SEZ6L2: variants seen among roughly 807,000 people sequenced by gnomAD.
SEZ6L2 encodes the protein seizure related 6 homolog like 2, also known as seizure 6-like protein 2.
SEZ6L2 carries 44 observed loss-of-function variants against 97.0 expected under a neutral mutation model. The observed-to-expected ratio is 0.45, with a 90% confidence interval of 0.36 to 0.58. The LOEUF (loss-of-function observed/expected upper bound fraction) is 0.58. Among genes scored for constraint, SEZ6L2 ranks in the 20% least tolerant of loss-of-function variants. The probability of loss-of-function intolerance (pLI) is 0.00; values close to 1 mark genes in which losing one functional copy is unlikely to be tolerated. For synonymous variants in SEZ6L2, 543 were observed against 546.1 expected (o/e 0.99, Z 0.08); for missense variants, 1,086 against 1,233.3 (o/e 0.88, Z 1.79).
intron 8 of SEZ6L2, among the ~76,000 whole-genome samples, chr16:29,882,525 C>T (rs150335393): frequency 1.4e-3 from 205 of 150,238 alleles, no homozygotes; most frequent in African/African-American, 4.2e-3. Flanking sequence ...TGCAGTGAGC[C>T]GAGATTGCGC....
At chr16:29,885,868 C>T (rs959686539) in intron 7 of SEZ6L2, 119 bp from the exon 8 acceptor site, 38 of 961,450 alleles carry the variant, frequency 4.0e-5, no homozygotes, top group Non-Finnish European at 5.6e-5. Context: ...ATATGCCACG[C>T]ACTCTTCTAA....
chr16:29,878,456 C>G, intron 9 of SEZ6L2, 31 bp from the exon 10 acceptor site: 1 of 1,562,782 alleles, frequency 6.4e-7, no homozygotes, highest in South Asian at 1.2e-5. Context: ...GGTTCAGGAC[C>G]CAGGTGGGCA....
Position 29,897,039 on chromosome 16 carries a change from C to T in SEZ6L2, c.294G>A (p.Pro98=), listed in dbSNP as rs111761573. The change falls in exon 3 of 18, where the codon CCG becomes CCA. Residue 98 remains proline, a synonymous_variant. Transcript: ENST00000617533. ...CGGCTGTTGTCAGAGGCCCTGTCCC[C>T]GGCTCAGTGGCCCGTGGCAGGGAGG... is the stretch of plus-strand genomic sequence containing the variant. ...AVPSLPRATE[P]GTGPLTTAVT... 102 of 1,580,470 alleles carry T rather than the reference C, an allele frequency of 6.5e-5. No individual in the cohort carries two copies. Among genetic ancestry groups the T allele is most frequent in the African/African-American group, 5.6e-4 (42 of 74,746 alleles).
Position 29,876,656 on chromosome 16 carries a change from G to A in SEZ6L2, c.2104+100C>T. On this transcript the variant is annotated intron_variant, in intron 12 of 17. Coordinates refer to ENST00000617533, the MANE Select transcript of SEZ6L2 (RefSeq NM_001243332.2). The surrounding 1 kb of genome is among the most constrained non-coding windows in gnomAD (Gnocchi z 6.5). ...ATCCAGGAAGGACCCCGAGCGAAGG[G>A]ATGGAACCCAGAAAGCACGGGGGTC... is the stretch of plus-strand genomic sequence containing the variant. 8.9e-7 allele frequency: 1 copy of A among 1,124,908 alleles called. No homozygotes were observed. Among genetic ancestry groups the A allele is most frequent in the Non-Finnish European group, 1.2e-6 (1 of 810,818 alleles). The allele number at this position is 1,124,908 out of a possible 1,614,324, so 69.7% of individuals were successfully genotyped here.
intron 8 of SEZ6L2, among the ~76,000 whole-genome samples, chr16:29,884,929 C>T (rs2068102634): frequency 6.6e-6 from 1 of 151,804 alleles, no homozygotes; most frequent in South Asian, 2.1e-4. Flanking sequence ...AAATAAAGGC[C>T]GGGCGCGGTG....
intron 8 of SEZ6L2, among the ~76,000 whole-genome samples, chr16:29,884,495 G>A (rs561662494): frequency 6.6e-6 from 1 of 152,058 alleles, no homozygotes; most frequent in South Asian, 2.1e-4. Context: ...GGGAGGCTAA[G>A]GAATGAGAAT....
chr16:29,886,347 T>A (rs1221492061), intron 7 of SEZ6L2, among the ~76,000 whole-genome samples: 1 of 146,650 alleles, frequency 6.8e-6, no homozygotes, highest in African/African-American at 2.5e-5. Flanking sequence ...CCAGCCTGGG[T>A]GACAGAGCGA....
At chr16:29,898,319 C>G (rs74017649) in intron 1 of SEZ6L2, among the ~76,000 whole-genome samples, 3 of 152,186 alleles carry the variant, frequency 2.0e-5, no homozygotes, top group East Asian at 3.8e-4. Flanking sequence ...TGATCTCCCC[C>G]CAACCCTGGG....
chr16:29,873,240 C>T lies in SEZ6L2; in HGVS notation c.2488G>A (p.Val830Ile). Reference protein sequence around the residue: ...QWTSQPPLCKVAYEELLDNRK... With the variant: ...QWTSQPPLCKIAYEELLDNRK... ...CCTCCTGCCCTGTCTGGCCAGGCACCTTTGCAGAGTGGGGGCTGGCTGGTC... is the reference window on the plus strand; with the variant it reads ...CCTCCTGCCCTGTCTGGCCAGGCACTTTTGCAGAGTGGGGGCTGGCTGGTC... Residue 830 changes from valine to isoleucine, a missense_variant and splice_region_variant, in exon 14 of 18, where the codon GTT becomes ATT. By Grantham distance (29) the Val-to-Ile change is conservative. This residue lies in a region of SEZ6L2 where 310 missense variants were observed against 438.6 expected (regional missense o/e 0.71). Transcript: ENST00000617533. This position sits in a 1 kb window ranked among gnomAD's most constrained non-coding sequence, Gnocchi z 4.3. 1 of 1,613,854 alleles carries T rather than the reference C, an allele frequency of 6.2e-7. No individual in the cohort carries two copies. The highest frequency in any genetic ancestry group is 8.5e-7 in the Non-Finnish European group (1 of 1,179,944).
chr16:29,877,448 C>T lies in SEZ6L2; in HGVS notation c.1732G>A (p.Asp578Asn). 6.2e-7 allele frequency: 1 copy of T among 1,600,210 alleles called. No individual in the cohort carries two copies. The highest frequency in any genetic ancestry group is 1.1e-5 in the South Asian group (1 of 89,230). Residue 578 changes from aspartate (D) to asparagine (N), a missense_variant, in exon 11 of 18, where the codon GAC (aspartate) becomes AAC (asparagine). By Grantham distance (23) the Asp-to-Asn change is conservative. This residue lies in a region of SEZ6L2 where 776 missense variants were observed against 794.7 expected (regional missense o/e 0.98). Transcript: ENST00000617533. ...TCCCCGTCGAACAGCGTCAGCATGT[C>T]CCCTTCCCGCACATTCAATCTGCAG... is the stretch of plus-strand genomic sequence containing the variant. ...QVEILNVREG[D>N]MLTLFDGDGP...
chr16:29,888,799 C>T, intron 5 of SEZ6L2, 74 bp from the exon 6 acceptor site: 1 of 1,347,974 alleles, frequency 7.4e-7, no homozygotes, highest in East Asian at 2.5e-5. Flanking sequence ...CCCAGCACTT[C>T]CCCCCTCTCC....
chr16:29,882,583 AAAAAAAAAAAG>A (rs2068053261), intron 8 of SEZ6L2, among the ~76,000 whole-genome samples: 1 of 151,640 alleles, frequency 6.6e-6, no homozygotes, highest in South Asian at 2.1e-4. Flanking sequence ...ATCTCAAAAA[AAAAAAAAAAAG>A]GAAAAAAATG....
Position 29,871,613 on chromosome 16 carries a change from G to A in SEZ6L2, c.*86C>T. The A allele has an allele frequency of 7.3e-7, 1 of 1,374,228 alleles. No individual in the cohort carries two copies. Among genetic ancestry groups the A allele is most frequent in the Non-Finnish European group, 1.0e-6 (1 of 982,734 alleles). The allele number at this position is 1,374,228 out of a possible 1,614,324, so 85.1% of individuals were successfully genotyped here. On this transcript the variant is annotated 3_prime_UTR_variant, in exon 18 of 18. Transcript: ENST00000617533. Reference sequence around the variant, plus strand: ...ACACAGCCAGGGAGGAGGGCAGCCAGGAGGCAGAGACCGGGTCCCGTATTT... The same window carrying A: ...ACACAGCCAGGGAGGAGGGCAGCCAAGAGGCAGAGACCGGGTCCCGTATTT...
chr16:29,889,105 C>T (rs1031715121), intron 5 of SEZ6L2, among the ~76,000 whole-genome samples: 1 of 152,110 alleles, frequency 6.6e-6, no homozygotes, highest in Admixed American at 6.6e-5. Flanking sequence ...TTGTTCAGCT[C>T]CCAAAGTGAG....
chr16:29,872,947 AG>A (rs2067817737), intron 14 of SEZ6L2, among the ~76,000 whole-genome samples: 1 of 152,224 alleles, frequency 6.6e-6, no homozygotes, highest in South Asian at 2.1e-4. Context: ...CTAAAAAGTC[AG>A]GGTTCCTGGA....
intron 5 of SEZ6L2, among the ~76,000 whole-genome samples, chr16:29,894,862 T>C (rs2150814394): frequency 6.6e-6 from 1 of 152,174 alleles, no homozygotes; most frequent in Non-Finnish European, 1.5e-5. Context: ...TTCGGCACCC[T>C]GTGCTTCGAT....
At chr16:29,878,513 C>CGCAT in intron 9 of SEZ6L2, 88 bp from the exon 10 acceptor site, 1 of 1,070,774 alleles carries the variant, frequency 9.3e-7, no homozygotes, top group Non-Finnish European at 1.3e-6. Flanking sequence ...GATGCGTGCA[C>CGCAT]CACATCACCT....
rs2150777040 is a variant in SEZ6L2, at chr16:29,873,146, G to T, written c.2488+94C>A. 1 of 1,387,024 alleles carries T rather than the reference G, an allele frequency of 7.2e-7. No homozygotes were observed. Among genetic ancestry groups the T allele is most frequent in the Non-Finnish European group, 9.9e-7 (1 of 1,013,348 alleles). 85.9% of individuals were successfully genotyped at this position (1,387,024 alleles called of 1,614,324 possible). A position where few individuals can be genotyped will look rare whatever the true frequency, so the allele number is the denominator to read the frequency against. ...GGAGGAGAACCGGGAGCTCTGTGGG[G>T]TCGCCCATTGGTCTCAAATGTGCTA... On this transcript the variant is annotated intron_variant, in intron 14 of 17. Coordinates refer to ENST00000617533, the MANE Select transcript of SEZ6L2 (RefSeq NM_001243332.2). The surrounding 1 kb of genome is among the most constrained non-coding windows in gnomAD (Gnocchi z 4.3).
intron 9 of SEZ6L2, 141 bp from the exon 10 acceptor site, chr16:29,878,566 CTTTT>C (rs1398595807): frequency 3.4e-6 from 2 of 587,030 alleles, no homozygotes; most frequent in African/African-American, 3.9e-5. Flanking sequence ...TTCTTTTATT[CTTTT>C]ATTTTATTTA....
Sources: allele counts gnomAD v4.1 joint callset (sites outside exome capture counted in the v4.1 genomes callset), GRCh38; gene constraint gnomAD v4.1.1; regional missense constraint gnomAD v4.1.1; non-coding constraint Gnocchi (gnomAD v3.1); transcripts MANE v1.5; gene names NCBI Gene and HGNC (gene_info 2026-07-23, HGNC 2026-07-21).